RAB13: variants seen among roughly 807,000 people sequenced by gnomAD.
RAB13 encodes RAB13, member RAS oncogene family.
RAB13 carries 15 observed loss-of-function variants against 29.3 expected under a neutral mutation model. That is an observed-to-expected ratio of 0.51 (90% confidence interval 0.34 to 0.79). RAB13 has a LOEUF of 0.79. RAB13 is among the 30% of genes least tolerant of loss of function. The pLI is 0.01. For missense variants in RAB13, 186 were observed against 255.5 expected, an observed-to-expected ratio of 0.73 and a Z score of 1.85; for synonymous variants, 82 against 93.8, an observed-to-expected ratio of 0.87 and a Z score of 0.73.
chr1:153,982,684 C>T (rs188353397), intron 5 of RAB13, 35 bp downstream of exon 5: 4 of 1,613,424 alleles, frequency 2.5e-6, no homozygotes, highest in African/African-American at 1.3e-5. Flanking sequence ...GCCCTCCCAG[C>T]CCAGTTCTAG....
At chr1:153,982,514 G>C (rs1451069461) in intron 6 of RAB13, 21 bp downstream of exon 6, 3 of 1,610,498 alleles carry the variant, frequency 1.9e-6, no homozygotes, top group South Asian at 1.1e-5. Context: ...TCTTGGTCGG[G>C]GATGGGGGTG....
intron 7 of RAB13, 73 bp downstream of exon 7, chr1:153,982,318 C>T (rs1338778240): frequency 2.0e-6 from 3 of 1,486,088 alleles, no homozygotes; most frequent in Non-Finnish European, 1.9e-6. Context: ...CACACACACA[C>T]ACACACACAC....
upstream of RAB13, among the ~76,000 whole-genome samples, chr1:153,987,528 A>AAAGAAAGAAAG: frequency 7.8e-6 from 1 of 127,524 alleles, no homozygotes; most frequent in Non-Finnish European, 1.6e-5. Flanking sequence ...AAAAAAAAAA[A>AAAGAAAGAAAG]AAAGAAAGAA....
upstream of RAB13, among the ~76,000 whole-genome samples, chr1:153,990,373 T>C (rs931391018): frequency 2.6e-5 from 4 of 152,200 alleles, no homozygotes; most frequent in Non-Finnish European, 4.4e-5. Flanking sequence ...GCCTAAACTG[T>C]TAAATTAAAC....
upstream of RAB13, among the ~76,000 whole-genome samples, chr1:153,987,305 GACCATCCTGGCTA>G (rs376251074): frequency 8.1e-3 from 1,234 of 151,576 alleles, 12 homozygotes; most frequent in African/African-American, 0.028. Context: ...AGGAGATCGA[GACCATCCTGGCTA>G]ACATGGTGAA....
intron 2 of RAB13, 45 bp downstream of exon 2, chr1:153,984,676 G>A: frequency 6.6e-7 from 1 of 1,522,222 alleles, no homozygotes; most frequent in Non-Finnish European, 9.1e-7. Flanking sequence ...ACGTGTAGGA[G>A]GTAAATGGGG....
chr1:153,982,815 G>T lies in RAB13; in HGVS notation c.325-7C>A. 2.5e-6 allele frequency: 4 copies of T among 1,613,964 alleles called. No homozygotes were observed. Among genetic ancestry groups the T allele is most frequent in the Non-Finnish European group, 3.4e-6 (4 of 1,179,914 alleles). ...CCACCCCAGCCGAGGCATTCTGGGG[G>T]CAAAAGACAAGTAAAAGTTAGGTCC... is the stretch of plus-strand genomic sequence containing the variant. On this transcript the variant is annotated splice_region_variant and splice_polypyrimidine_tract_variant and intron_variant, in intron 4 of 7. Transcript: ENST00000368575.
upstream of RAB13, among the ~76,000 whole-genome samples, chr1:153,990,191 G>A (rs1649312951): frequency 3.3e-5 from 5 of 152,062 alleles, no homozygotes; most frequent in African/African-American, 1.2e-4. Flanking sequence ...TCAGCCTCCA[G>A]AGTAGCTGGG....
upstream of RAB13, among the ~76,000 whole-genome samples, chr1:153,988,527 G>A (rs1446111919): frequency 7.2e-6 from 1 of 139,424 alleles, no homozygotes; most frequent in Non-Finnish European, 1.6e-5. Flanking sequence ...TCCTGACCTC[G>A]TGATCTGCCC....
upstream of RAB13, among the ~76,000 whole-genome samples, chr1:153,986,866 C>T (rs536896928): frequency 3.3e-5 from 5 of 152,184 alleles, no homozygotes; most frequent in African/African-American, 1.2e-4. Context: ...TTGAAAAAAG[C>T]GGGATGCGCA....
upstream of RAB13, among the ~76,000 whole-genome samples, chr1:153,988,611 T>A (rs1055541937): frequency 5.4e-5 from 8 of 148,714 alleles, no homozygotes; most frequent in East Asian, 3.9e-4. Context: ...TTTATTTTTT[T>A]AATTTTTATT....
At position 153,982,727 on chromosome 1, in the gene RAB13, C is replaced by T; in HGVS notation, c.406G>A (p.Ala136Thr). Residue 136 changes from alanine to threonine, a missense_variant, in exon 5 of 8, where the codon GCC (alanine) becomes ACC (threonine). Transcript: ENST00000368575. ...EAKRKVQKEQ[A>T]DKLAREHGIR... ...CTCAGCCTGGCCCTCACCTTATCGGCCTGCTCCTTCTGCACCTTCCTCTTG... is the reference window on the plus strand; with the variant it reads ...CTCAGCCTGGCCCTCACCTTATCGGTCTGCTCCTTCTGCACCTTCCTCTTG... The T allele has an allele frequency of 1.2e-6, 2 of 1,614,208 alleles. No homozygotes were observed. Among genetic ancestry groups the T allele is most frequent in the Non-Finnish European group, 1.7e-6 (2 of 1,180,018 alleles).
chr1:153,989,784 C>A (rs1172704155), upstream of RAB13, among the ~76,000 whole-genome samples: 2 of 151,146 alleles, frequency 1.3e-5, no homozygotes, highest in African/African-American at 4.9e-5. Context: ...CCCAGCTACT[C>A]GGGAGGCTGA....
chr1:153,986,426 GAGCAGGCCAAGGCTGCC>G, upstream of RAB13: 1 of 544,152 alleles, frequency 1.8e-6, no homozygotes, highest in Non-Finnish European at 3.1e-6. Flanking sequence ...CCACCCTTTT[GAGCAGGCCAAGGCTGCC>G]AGCCCGGCCT....
At chr1:153,990,000 T>C (rs2147865407), upstream of RAB13, among the ~76,000 whole-genome samples, 1 of 152,348 alleles carries the variant, frequency 6.6e-6, no homozygotes, top group East Asian at 1.9e-4. Flanking sequence ...TTCAATCTCT[T>C]TTTGTCCATT....
chr1:153,983,441 C>T (rs1649060053), intron 3 of RAB13, 80 bp downstream of exon 3: 1 of 1,521,644 alleles, frequency 6.6e-7, no homozygotes, highest in South Asian at 1.1e-5. Flanking sequence ...TTTTTACCTG[C>T]CCCAACCCCT....
Position 153,986,242 on chromosome 1 carries a change from A to G in RAB13, c.-6T>C. The G allele has an allele frequency of 6.2e-7, 1 of 1,611,290 alleles. No homozygotes were observed. Among genetic ancestry groups the G allele is most frequent in the Non-Finnish European group, 8.5e-7 (1 of 1,178,748 alleles). ...TGGTCGTAGGCTTTGGCCATGGCGG[A>G]CACCGGGGGAGCCGGGGGAGGGGTG... On this transcript the variant is annotated 5_prime_UTR_variant, in exon 1 of 8. Transcript: ENST00000368575.
intron 1 of RAB13, chr1:153,985,277 G>C (rs1373606872): frequency 2.0e-6 from 2 of 985,792 alleles, no homozygotes; most frequent in Non-Finnish European, 2.4e-6. Context: ...AGGCTAAACA[G>C]GATTACTTTT....
chr1:153,990,627 C>G, upstream of RAB13: 3 of 782,654 alleles, frequency 3.8e-6, no homozygotes, highest in South Asian at 4.6e-5. Context: ...AGTTAAAGAC[C>G]TTCCGAAAAT....
Sources: allele counts gnomAD v4.1 joint callset (sites outside exome capture counted in the v4.1 genomes callset), GRCh38; gene constraint gnomAD v4.1.1; transcripts MANE v1.5; gene names NCBI Gene and HGNC (gene_info 2026-07-23, HGNC 2026-07-21).